The following LRP1B variants were observed in gnomAD, a reference collection of about 807,000 sequenced individuals.
LRP1B encodes the protein LDL receptor related protein 1B.
LRP1B carries 217 observed loss-of-function variants against 556.6 expected under a neutral mutation model. The observed-to-expected ratio is 0.39, with a 90% CI of 0.35 to 0.44. The LOEUF (loss-of-function observed/expected upper bound fraction) is 0.44, where lower values mean the gene tolerates loss of function less well. Among genes scored for constraint, LRP1B ranks in the 20% least tolerant of loss-of-function variants. The probability of loss-of-function intolerance (pLI) is 1.00; values close to 1 mark genes in which losing one functional copy is unlikely to be tolerated. For synonymous variants in LRP1B, 2,047 were observed against 1,865.8 expected, an observed-to-expected ratio of 1.10 and a Z score of -2.50; for missense variants, 5,053 against 5,620.8, an observed-to-expected ratio of 0.90 and a Z score of 3.23.
intron 7 of LRP1B, among the ~76,000 whole-genome samples, chr2:141,122,580 C>T (rs1391458711): frequency 1.3e-5 from 2 of 152,030 alleles, no homozygotes. Context: ...GAATGGCGAT[C>T]ATTAAAAAGT....
intron 18 of LRP1B, among the ~76,000 whole-genome samples, chr2:140,975,322 C>CCT (rs1237490686): frequency 6.6e-6 from 1 of 152,192 alleles, no homozygotes; most frequent in African/African-American, 2.4e-5. Context: ...GAGACTCAAA[C>CCT]CTCTCTGAAG....
At chr2:141,789,318 T>C (rs971804252) in intron 2 of LRP1B, among the ~76,000 whole-genome samples, 8 of 152,022 alleles carry the variant, frequency 5.3e-5, no homozygotes, top group African/African-American at 1.7e-4. Flanking sequence ...CTTAGTACCA[T>C]ATCTTCACAT....
intron 1 of LRP1B, among the ~76,000 whole-genome samples, chr2:142,102,083 G>C (rs1706586194): frequency 6.6e-6 from 1 of 151,950 alleles, no homozygotes; most frequent in Non-Finnish European, 1.5e-5. Context: ...ATAGTATAGT[G>C]AGAAAACAAA....
intron 23 of LRP1B, among the ~76,000 whole-genome samples, chr2:140,895,931 A>T (rs554324566): frequency 1.3e-5 from 2 of 152,138 alleles, no homozygotes; most frequent in South Asian, 2.1e-4. Flanking sequence ...TCATGAGTAC[A>T]GGATGGAGGT....
intron 7 of LRP1B, among the ~76,000 whole-genome samples, chr2:141,120,587 G>A (rs1701023533): frequency 6.6e-6 from 1 of 151,832 alleles, no homozygotes; most frequent in South Asian, 2.1e-4. Flanking sequence ...ATATAAATAA[G>A]GTAATAAGAT....
chr2:140,957,033 C>T (rs143212599), intron 18 of LRP1B, among the ~76,000 whole-genome samples: 16 of 151,606 alleles, frequency 1.1e-4, no homozygotes, highest in Admixed American at 2.0e-4. Context: ...ATTGAGTATT[C>T]TCATTTTTCA....
chr2:141,830,575 A>C (rs1697080061), intron 1 of LRP1B, among the ~76,000 whole-genome samples: 1 of 151,738 alleles, frequency 6.6e-6, no homozygotes, highest in African/African-American at 2.4e-5. Flanking sequence ...AATAAAACTA[A>C]GTGTTTCTTT....
chr2:141,896,425 C>T (rs1402976793), intron 1 of LRP1B, among the ~76,000 whole-genome samples: 1 of 152,108 alleles, frequency 6.6e-6, no homozygotes, highest in East Asian at 1.9e-4. Flanking sequence ...TACATGAAAC[C>T]ATACTGCCCT....
At position 140,989,779 on chromosome 2, in the gene LRP1B, T is replaced by G. The variant is rs1038514259; in HGVS notation, c.2645-122A>C. 104 of 829,982 alleles carry G rather than the reference T, an allele frequency of 1.3e-4. No individual in the cohort carries two copies. In the Middle Eastern group the frequency reaches 1.3e-3, roughly 11 times the overall value. The allele number at this position is 829,982 out of a possible 1,614,324, so 51.4% of individuals were successfully genotyped here. On this transcript the variant is annotated intron_variant, in intron 16 of 90. Transcript: ENST00000389484. Reference sequence around the variant, plus strand: ...ATAGTACAATAAATGTCATAGAGTCTGTCATTCATTGCCTTATATTTAATA... The same window carrying G: ...ATAGTACAATAAATGTCATAGAGTCGGTCATTCATTGCCTTATATTTAATA...
In LRP1B at chr2:140,813,591, A is replaced by C. The variant is rs547535188; in HGVS notation, c.5359+66T>G. The C allele has an allele frequency of 3.3e-4, 480 of 1,438,258 alleles. 4 individuals are homozygous for C. In the South Asian group the frequency reaches 4.5e-3, roughly 14 times the overall value. 89.1% of individuals were successfully genotyped at this position (1,438,258 alleles called of 1,614,324 possible). On this transcript the variant is annotated intron_variant, in intron 32 of 90. Coordinates refer to ENST00000389484, the MANE Select transcript of LRP1B (RefSeq NM_018557.3). ...GAGCAGTAACTTTCCTAAGCTTTTA[A>C]CAGGTCATAATAAATCAACCCCCAA... is the stretch of plus-strand genomic sequence containing the variant.
intron 1 of LRP1B, among the ~76,000 whole-genome samples, chr2:141,984,207 G>A (rs1358145846): frequency 1.3e-5 from 2 of 152,048 alleles, no homozygotes; most frequent in Non-Finnish European, 2.9e-5. Context: ...TGTGCACAAC[G>A]TGCAGGTTTG....
intron 1 of LRP1B, among the ~76,000 whole-genome samples, chr2:141,937,212 A>G (rs1359070689): frequency 6.6e-6 from 1 of 151,696 alleles, no homozygotes; most frequent in Admixed American, 6.6e-5. Context: ...CCCATCTCTA[A>G]TAAAAATACA....
chr2:141,659,238 A>T (rs894594683), intron 2 of LRP1B, among the ~76,000 whole-genome samples: 2 of 151,938 alleles, frequency 1.3e-5, no homozygotes, highest in Admixed American at 6.6e-5. Flanking sequence ...CATCGGCAAA[A>T]TTTTTTCTGC....
chr2:141,138,224 C>A (rs1165445513), intron 7 of LRP1B, among the ~76,000 whole-genome samples: 1 of 151,904 alleles, frequency 6.6e-6, no homozygotes, highest in African/African-American at 2.4e-5. Context: ...ACATCCATTA[C>A]TGACAAAAAT....
At chr2:141,472,935 G>A (rs1055135875) in intron 3 of LRP1B, among the ~76,000 whole-genome samples, 16 of 152,150 alleles carry the variant, frequency 1.1e-4, no homozygotes, top group Admixed American at 3.3e-4. Context: ...TATGACAAAG[G>A]AATTAACTTC....
intron 8 of LRP1B, among the ~76,000 whole-genome samples, chr2:141,061,743 A>T (rs1002342645): frequency 2.0e-5 from 3 of 151,850 alleles, no homozygotes; most frequent in African/African-American, 7.2e-5. Context: ...ATAGGCCATA[A>T]CATCTGACCT....
chr2:141,155,059 A>C (rs1192160806), intron 7 of LRP1B, among the ~76,000 whole-genome samples: 2 of 151,988 alleles, frequency 1.3e-5, no homozygotes, highest in Admixed American at 6.6e-5. Flanking sequence ...AAAGAGTATA[A>C]AAATTCATAG....
chr2:142,086,066 A>G (rs1705907292), intron 1 of LRP1B, among the ~76,000 whole-genome samples: 1 of 152,238 alleles, frequency 6.6e-6, no homozygotes, highest in Admixed American at 6.5e-5. Context: ...CTAAAGAAAT[A>G]AAAAGTTGCA....
chr2:141,972,262 GTA>G (rs1334388272), intron 1 of LRP1B, among the ~76,000 whole-genome samples: 3 of 151,568 alleles, frequency 2.0e-5, no homozygotes, highest in Middle Eastern at 3.4e-3. Flanking sequence ...ATTTTTTAAA[GTA>G]TATGTTAGTT....
Sources: allele counts gnomAD v4.1 joint callset (sites outside exome capture counted in the v4.1 genomes callset), GRCh38; gene constraint gnomAD v4.1.1; transcripts MANE v1.5; gene names NCBI Gene and HGNC (gene_info 2026-07-23, HGNC 2026-07-21).